The following SLC17A5 variants were observed in gnomAD, a reference collection of about 807,000 sequenced individuals.
SLC17A5 encodes solute carrier family 17 member 5, also known as sialin.
In SLC17A5, 47 loss-of-function variants were observed where a neutral mutation model predicts 59.4. The observed-to-expected ratio is 0.79, with a 90% CI of 0.63 to 1.01. SLC17A5 has a LOEUF of 1.01. SLC17A5 is among the 50% of genes least tolerant of loss of function. The probability of loss-of-function intolerance (pLI) is 0.00; values close to 1 mark genes in which losing one functional copy is unlikely to be tolerated. For synonymous variants in SLC17A5, 202 were observed against 210.7 expected (o/e 0.96, Z 0.36); for missense variants, 522 against 595.5 (o/e 0.88, Z 1.28).
intron 10 of SLC17A5, among the ~76,000 whole-genome samples, chr6:73,599,184 TTTTG>T (rs1474170280): frequency 1.3e-5 from 2 of 151,996 alleles, no homozygotes; most frequent in African/African-American, 2.4e-5. Context: ...ACTTATTTTA[TTTTG>T]TTTATTTTTT....
At chr6:73,613,041 C>CA (rs59903043) in intron 8 of SLC17A5, among the ~76,000 whole-genome samples, 2,355 of 144,688 alleles carry the variant, frequency 0.016, 22 homozygotes, top group Middle Eastern at 0.032. Context: ...GACCCTGTCT[C>CA]AAAAAAAAAA....
intron 1 of SLC17A5, chr6:73,653,535 G>A: frequency 1.1e-6 from 1 of 931,860 alleles, no homozygotes; most frequent in Non-Finnish European, 1.3e-6. Context: ...CCCGCCCGGT[G>A]GGGCTGCACC....
At chr6:73,651,736 G>A (rs1299789490) in intron 1 of SLC17A5, among the ~76,000 whole-genome samples, 1 of 151,744 alleles carries the variant, frequency 6.6e-6, no homozygotes, top group Non-Finnish European at 1.5e-5. Context: ...TAGGGACGGC[G>A]TTTCAGGCGT....
At chr6:73,619,312 A>G (rs1289966366) in intron 7 of SLC17A5, among the ~76,000 whole-genome samples, 1 of 152,148 alleles carries the variant, frequency 6.6e-6, no homozygotes, top group Non-Finnish European at 1.5e-5. Flanking sequence ...CATAAAAAAT[A>G]CAATATTTGC....
At chr6:73,635,077 A>G (rs957920901) in intron 6 of SLC17A5, among the ~76,000 whole-genome samples, 1 of 152,016 alleles carries the variant, frequency 6.6e-6, no homozygotes, top group African/African-American at 2.4e-5. Context: ...CTTTGTTCAT[A>G]TTTATGTATT....
intron 3 of SLC17A5, among the ~76,000 whole-genome samples, chr6:73,640,936 A>G (rs983515610): frequency 2.6e-5 from 4 of 152,208 alleles, no homozygotes; most frequent in Non-Finnish European, 5.9e-5. Context: ...TTACAAGACC[A>G]GAAAAAATAA....
At chr6:73,598,506 C>G (rs140876575) in intron 10 of SLC17A5, among the ~76,000 whole-genome samples, 154 of 152,240 alleles carry the variant, frequency 1.0e-3, no homozygotes, top group African/African-American at 3.6e-3. Context: ...TGGCACGTGC[C>G]TGTAGTCCTA....
intron 9 of SLC17A5, among the ~76,000 whole-genome samples, chr6:73,608,039 AG>A (rs1337080270): frequency 6.6e-6 from 1 of 152,068 alleles, no homozygotes; most frequent in South Asian, 2.1e-4. Flanking sequence ...AGCCTCCCAA[AG>A]TGTTGGGATT....
chr6:73,615,985 A>G (rs1767841638), intron 7 of SLC17A5, among the ~76,000 whole-genome samples: 1 of 145,880 alleles, frequency 6.9e-6, no homozygotes, highest in Non-Finnish European at 1.5e-5. Flanking sequence ...TCCTGGGTTC[A>G]AGTGATTCTC....
chr6:73,604,159 T>G lies in SLC17A5; in HGVS notation c.1260-3718A>C, dbSNP rs1178490311. On this transcript the variant is annotated intron_variant, in intron 9 of 10. Coordinates refer to ENST00000355773, the MANE Select transcript of SLC17A5 (RefSeq NM_012434.5). ...CTTTTTTTTTTTTCTTTTTAAACCA[T>G]TAACACCTTGGCAGTAAGAGGAGTC... 2.0e-5 allele frequency among the ~76,000 whole-genome samples: 3 copies of G among 152,122 alleles called. No individual in the cohort carries two copies. The South Asian group carries it at 6.2e-4, about 31-fold the overall frequency.
At chr6:73,641,105 G>A (rs772422340) in intron 3 of SLC17A5, among the ~76,000 whole-genome samples, 8 of 152,006 alleles carry the variant, frequency 5.3e-5, no homozygotes, top group Admixed American at 1.3e-4. Context: ...CTTTTGAGAT[G>A]GAGACTTGCT....
chr6:73,651,044 A>G, intron 1 of SLC17A5, among the ~76,000 whole-genome samples: 1 of 152,234 alleles, frequency 6.6e-6, no homozygotes, highest in Non-Finnish European at 1.5e-5. Context: ...ACATAAGGAT[A>G]TAAAATTGCA....
intron 1 of SLC17A5, among the ~76,000 whole-genome samples, chr6:73,649,838 A>G (rs2150124789): frequency 6.6e-6 from 1 of 152,140 alleles, no homozygotes; most frequent in Non-Finnish European, 1.5e-5. Context: ...GGGATCTGGG[A>G]AAAGTAAGAA....
chr6:73,612,179 AT>A (rs35543141), intron 8 of SLC17A5, among the ~76,000 whole-genome samples: 36 of 139,684 alleles, frequency 2.6e-4, no homozygotes, highest in Admixed American at 2.9e-4. Flanking sequence ...TGCCTGGCTA[AT>A]TTTTTTTTTT....
Position 73,641,939 on chromosome 6 carries a change from A to C in SLC17A5, c.292-15T>G. On this transcript the variant is annotated splice_polypyrimidine_tract_variant and intron_variant, in intron 2 of 10. Transcript: ENST00000355773. ...TACTTCTTACCCTACAAAAATCAGAAAAGAATAAAACAATCCTTTAAGACC... is the reference window on the plus strand; with the variant it reads ...TACTTCTTACCCTACAAAAATCAGACAAGAATAAAACAATCCTTTAAGACC... The C allele has an allele frequency of 6.2e-7, 1 of 1,604,532 alleles. No individual in the cohort carries two copies.
intron 10 of SLC17A5, among the ~76,000 whole-genome samples, chr6:73,599,210 T>G (rs550679679): frequency 6.6e-6 from 1 of 152,106 alleles, no homozygotes; most frequent in Non-Finnish European, 1.5e-5. Flanking sequence ...ATTTTTATTT[T>G]TTATTTATTT....
intron 6 of SLC17A5, among the ~76,000 whole-genome samples, chr6:73,624,882 A>AGAT (rs1561993838): frequency 6.6e-6 from 1 of 151,558 alleles, no homozygotes; most frequent in South Asian, 2.1e-4. Flanking sequence ...AAAAGAAAAC[A>AGAT]ATATATATAT....
At chr6:73,596,332 C>G (rs1287268640) in intron 10 of SLC17A5, among the ~76,000 whole-genome samples, 2 of 152,092 alleles carry the variant, frequency 1.3e-5, no homozygotes, top group African/African-American at 2.4e-5. Context: ...CTTTGAGGAT[C>G]TGTGACATCA....
intron 7 of SLC17A5, 38 bp from the exon 8 acceptor site, chr6:73,615,485 A>G: frequency 6.2e-7 from 1 of 1,608,810 alleles, no homozygotes; most frequent in Non-Finnish European, 8.5e-7. Context: ...AATTACGGTG[A>G]GAGAAAAAAA....
Sources: gnomAD v4.1 joint callset for allele counts (sites outside exome capture counted in the v4.1 genomes callset) on GRCh38, gnomAD v4.1.1 for gene constraint, MANE v1.5 for transcripts, NCBI Gene and HGNC (gene_info 2026-07-23, HGNC 2026-07-21) for gene names.